The following IRAK3 variants were observed in gnomAD, a reference collection of about 807,000 sequenced individuals.
IRAK3 encodes interleukin-1 receptor-associated kinase 3.
A neutral mutation model predicts 56.6 loss-of-function variants in IRAK3; 57 were observed. That is an observed-to-expected ratio of 1.01 (90% CI 0.81 to 1.26). The LOEUF (loss-of-function observed/expected upper bound fraction) is 1.26, where lower values mean the gene tolerates loss of function less well. Ranked by LOEUF, IRAK3 falls within the 50% of genes most tolerant of loss-of-function variation. The pLI, the probability that IRAK3 is intolerant of heterozygous loss-of-function variation, is 0.00. For synonymous variants in IRAK3, 258 were observed against 255.7 expected, an observed-to-expected ratio of 1.01 and a Z score of -0.09; for missense variants, 703 against 719.0, an observed-to-expected ratio of 0.98 and a Z score of 0.25.
At chr12:66,230,729 G>T (rs558197219) in intron 8 of IRAK3, among the ~76,000 whole-genome samples, 48 of 152,168 alleles carry the variant, frequency 3.2e-4, no homozygotes, top group African/African-American at 1.1e-3. Flanking sequence ...TGGTGGGAGA[G>T]TGCACCATGG....
At chr12:66,235,319 G>C in intron 8 of IRAK3, 1 of 1,167,760 alleles carries the variant, frequency 8.6e-7, no homozygotes, top group Non-Finnish European at 1.1e-6. Flanking sequence ...GCGCGGGCGC[G>C]GGGCAGCCTG....
rs1439280705 is a variant in IRAK3 at position 66,251,493 on chromosome 12, A to G, written c.*3322A>G. The G allele has an allele frequency of 6.6e-6, 1 of 152,212 alleles. No individual in the cohort carries two copies. The highest frequency in any genetic ancestry group is 1.5e-5 in the Non-Finnish European group (1 of 68,034). 9.4% of individuals were successfully genotyped at this position (152,212 alleles called of 1,614,324 possible). On this transcript the variant is annotated 3_prime_UTR_variant, in exon 12 of 12. Coordinates refer to ENST00000261233, the MANE Select transcript of IRAK3 (RefSeq NM_007199.3). Reference sequence around the variant, plus strand: ...TCATTTTTGTAATGCACTCTGAGCAATCCTCCAGGCAGATCCTATTTACTA... The same window carrying G: ...TCATTTTTGTAATGCACTCTGAGCAGTCCTCCAGGCAGATCCTATTTACTA...
chr12:66,239,918 C>G (rs1043708849), intron 8 of IRAK3, among the ~76,000 whole-genome samples: 19 of 152,088 alleles, frequency 1.2e-4, no homozygotes, highest in African/African-American at 4.6e-4. Flanking sequence ...CTGGAAAATA[C>G]GTTTGCCCAG....
At chr12:66,212,110 CA>C (rs11405352) in intron 5 of IRAK3, among the ~76,000 whole-genome samples, 69 of 136,564 alleles carry the variant, frequency 5.1e-4, no homozygotes, top group African/African-American at 6.9e-4. Context: ...GACACCACCT[CA>C]AAAAAAAAAA....
intron 1 of IRAK3, chr12:66,197,842 T>C: frequency 5.1e-6 from 5 of 985,348 alleles, no homozygotes; most frequent in Non-Finnish European, 6.0e-6. Context: ...TAGCAGTTTC[T>C]CAGCCAAGTC....
intron 1 of IRAK3, among the ~76,000 whole-genome samples, chr12:66,195,375 T>A (rs946033477): frequency 6.6e-6 from 1 of 152,336 alleles, no homozygotes; most frequent in South Asian, 2.1e-4. Context: ...CTTGAGTGTC[T>A]TTTCAGCCCA....
intron 8 of IRAK3, chr12:66,234,878 T>C: frequency 1.2e-6 from 2 of 1,613,528 alleles, no homozygotes; most frequent in Non-Finnish European, 1.7e-6. Flanking sequence ...GTTGGTAGGA[T>C]CTTGTTCCTG....
intron 6 of IRAK3, among the ~76,000 whole-genome samples, chr12:66,220,237 C>T (rs951533619): frequency 6.6e-6 from 1 of 152,038 alleles, no homozygotes; most frequent in African/African-American, 2.4e-5. Context: ...TGGTGTAAGA[C>T]AAAGGTCCAA....
chr12:66,197,039 T>C, intron 1 of IRAK3: 1 of 1,528,544 alleles, frequency 6.5e-7, no homozygotes, highest in Non-Finnish European at 8.7e-7. Context: ...TTTCTGCAAC[T>C]GAAAACAGTC....
At position 66,197,018 on chromosome 12, in the gene IRAK3, T is replaced by G. The variant is rs1446571473; in HGVS notation, c.134-6693T>G. The G allele has an allele frequency of 4.6e-6, 7 of 1,531,098 alleles. No individual in the cohort carries two copies. The East Asian group carries it at 9.8e-5, about 21-fold the overall frequency. The allele number at this position is 1,531,098 out of a possible 1,614,324, so 94.8% of individuals were successfully genotyped here. ...ACCCCTTCAGAGACATATTTGCATA[T>G]GGAGACGTGATTTCTGCAACTGAAA... On this transcript the variant is annotated intron_variant, in intron 1 of 11. Coordinates refer to ENST00000261233, the MANE Select transcript of IRAK3 (RefSeq NM_007199.3).
At chr12:66,223,261 G>A (rs2052753204) in intron 6 of IRAK3, among the ~76,000 whole-genome samples, 1 of 152,088 alleles carries the variant, frequency 6.6e-6, no homozygotes, top group African/African-American at 2.4e-5. Flanking sequence ...AGGTCACAGG[G>A]GATGCAATAG....
At chr12:66,220,710 C>T (rs1008846465) in intron 6 of IRAK3, among the ~76,000 whole-genome samples, 6 of 151,264 alleles carry the variant, frequency 4.0e-5, no homozygotes, top group Admixed American at 1.3e-4. Context: ...TTAGTAGAGA[C>T]GGGGTTTCAC....
intron 8 of IRAK3, among the ~76,000 whole-genome samples, chr12:66,228,950 G>A (rs1033998426): frequency 1.3e-5 from 2 of 152,172 alleles, no homozygotes; most frequent in African/African-American, 2.4e-5. Flanking sequence ...CTTACCATGG[G>A]TTTGTCAGGA....
chr12:66,237,612 T>G (rs1471452241), intron 8 of IRAK3, among the ~76,000 whole-genome samples: 2 of 152,350 alleles, frequency 1.3e-5, no homozygotes, highest in East Asian at 3.9e-4. Flanking sequence ...TAAGCGGTTT[T>G]GCATGGAACA....
At chr12:66,220,452 A>G (rs2052719121) in intron 6 of IRAK3, among the ~76,000 whole-genome samples, 1 of 141,478 alleles carries the variant, frequency 7.1e-6, no homozygotes, top group Non-Finnish European at 1.5e-5. Flanking sequence ...TGTTTTTATT[A>G]CTATAGCTCT....
intron 5 of IRAK3, among the ~76,000 whole-genome samples, chr12:66,216,640 A>C (rs2052679738): frequency 6.6e-6 from 1 of 152,192 alleles, no homozygotes; most frequent in African/African-American, 2.4e-5. Context: ...TAAAATATTC[A>C]TGTGTCAGGC....
Position 66,244,496 on chromosome 12 carries a change from C to A in IRAK3, c.898C>A (p.Leu300Ile). Residue 300 changes from leucine to isoleucine, a missense_variant, in exon 9 of 12, where the codon CTT becomes ATT. Transcript: ENST00000261233. ...ICGSISSANILLDDQFQPKLT... is the reference protein window; with the variant it reads ...ICGSISSANIILDDQFQPKLT... ...TGATCACAATTTTAGTGCAAACATC[C>A]TTTTGGATGATCAGTTTCAACCCAA... The A allele has an allele frequency of 1.9e-6, 3 of 1,613,860 alleles. No individual in the cohort carries two copies. The highest frequency in any genetic ancestry group is 2.5e-6 in the Non-Finnish European group (3 of 1,179,796).
chr12:66,198,372 C>A (rs2052474612), intron 1 of IRAK3, among the ~76,000 whole-genome samples: 1 of 152,210 alleles, frequency 6.6e-6, no homozygotes, highest in South Asian at 2.1e-4. Flanking sequence ...AGCATTCTGG[C>A]CTTCCCTCTG....
chr12:66,236,600 G>T (rs150138063), intron 8 of IRAK3, among the ~76,000 whole-genome samples: 313 of 151,926 alleles, frequency 2.1e-3, no homozygotes, highest in African/African-American at 6.9e-3. Context: ...AGAAATCTGA[G>T]TTCAGACCCA....
Sources: gnomAD v4.1 joint callset for allele counts (sites outside exome capture counted in the v4.1 genomes callset) on GRCh38, gnomAD v4.1.1 for gene constraint, MANE v1.5 for transcripts, NCBI Gene and HGNC (gene_info 2026-07-23, HGNC 2026-07-21) for gene names.